Variants in NFIB observed in about 807,000 individuals in gnomAD.
The protein encoded by NFIB is nuclear factor I B.
A neutral mutation model predicts 61.5 loss-of-function variants in NFIB; 11 were observed. The ratio of observed to expected loss-of-function variants is 0.18; its 90% CI spans 0.11 to 0.30. The LOEUF (loss-of-function observed/expected upper bound fraction) is 0.30, where lower values mean the gene tolerates loss of function less well. Among genes scored for constraint, NFIB ranks in the 10% least tolerant of loss-of-function variants. The pLI is 1.00. For missense variants in NFIB, 471 were observed against 608.9 expected (o/e 0.77, Z 2.38); for synonymous variants, 260 against 216.5 (o/e 1.20, Z -1.76).
At chr9:14,455,828 A>G in the NFIB span, among the ~76,000 whole-genome samples, 7 of 152,210 alleles carry the variant, frequency 4.6e-5, no homozygotes, top group Admixed American at 4.6e-4. Flanking sequence ...AAAAAGAGGA[A>G]CATTCTAAAA....
At chr9:14,392,479 G>A (rs1350043441) in intron 1 of NFIB, among the ~76,000 whole-genome samples, 1 of 152,170 alleles carries the variant, frequency 6.6e-6, no homozygotes, top group African/African-American at 2.4e-5. Flanking sequence ...TATAATCCCA[G>A]CACTTTGGGA....
rs2032246919 is a variant in NFIB, at chr9:14,082,983, T to G, written c.*5326A>C. 4.8e-6 allele frequency: 1 copy of G among 206,618 alleles called. No individual in the cohort carries two copies. The highest frequency in any genetic ancestry group is 6.0e-5 in the Admixed American group (1 of 16,760). The allele number at this position is 206,618 out of a possible 1,614,324, so 12.8% of individuals were successfully genotyped here. A position where few individuals can be genotyped will look rare whatever the true frequency, so the allele number is the denominator to read the frequency against. The stretch of plus-strand genomic sequence containing the variant: ...ATGCAATAAGTCATCAAGGGCTTAG[T>G]CTAGTGTACCGGTAAGCTAGTGGCA... On this transcript the variant is annotated 3_prime_UTR_variant, in exon 11 of 11. Coordinates refer to ENST00000380953, the MANE Select transcript of NFIB (RefSeq NM_001190737.2).
intron 3 of NFIB, 74 bp from the exon 4 acceptor site, chr9:14,155,967 A>G (rs963607465): frequency 1.1e-6 from 1 of 882,420 alleles, no homozygotes; most frequent in South Asian, 1.9e-5. Flanking sequence ...ACTAGAATTT[A>G]AGTGTTTTAA....
chr9:14,225,257 A>C lies in NFIB; in HGVS notation c.563-45477T>G, dbSNP rs545968846. Among the ~76,000 whole-genome samples, 3 of 152,242 alleles carry C rather than the reference A, an allele frequency of 2.0e-5. No individual in the cohort carries two copies. In the East Asian group the frequency reaches 5.8e-4, roughly 29 times the overall value. On this transcript the variant is annotated intron_variant, in intron 2 of 10. Coordinates refer to ENST00000380953, the MANE Select transcript of NFIB (RefSeq NM_001190737.2). ...TATCTCAAGAATGCTATAAAAAAAT[A>C]TATAAATCCCATTCTTAAGAAGCCA...
At chr9:14,169,352 T>C (rs1264291745) in intron 3 of NFIB, among the ~76,000 whole-genome samples, 1 of 152,090 alleles carries the variant, frequency 6.6e-6, no homozygotes, top group African/African-American at 2.4e-5. Context: ...TCTAGTGGAA[T>C]CAGGAATTAA....
chr9:14,357,731 A>G (rs1340292627), intron 1 of NFIB: 8 of 152,250 alleles, frequency 5.3e-5, no homozygotes, highest in African/African-American at 1.9e-4. Context: ...AAAAAGGGAA[A>G]GCAATCCACA....
intron 2 of NFIB, among the ~76,000 whole-genome samples, chr9:14,277,752 C>T (rs974688900): frequency 4.6e-5 from 7 of 152,194 alleles, no homozygotes; most frequent in Non-Finnish European, 7.3e-5. Context: ...GGAACTTGAA[C>T]TTTTACTCAT....
chr9:14,503,501 T>A, the NFIB span, among the ~76,000 whole-genome samples: 1 of 152,102 alleles, frequency 6.6e-6, no homozygotes, highest in East Asian at 1.9e-4. Context: ...GAAGTCTATG[T>A]GACATTTGAT....
chr9:14,521,445 G>A, the NFIB span, among the ~76,000 whole-genome samples: 444 of 152,234 alleles, frequency 2.9e-3, 1 homozygote, highest in Non-Finnish European at 5.6e-3. Flanking sequence ...TATCAGCCGA[G>A]TAAGCTTGGA....
chr9:14,211,517 T>G (rs1253575157), intron 2 of NFIB, among the ~76,000 whole-genome samples: 2 of 152,188 alleles, frequency 1.3e-5, no homozygotes, highest in East Asian at 3.9e-4. Flanking sequence ...CTTTGACCAC[T>G]CCCATTGTCT....
chr9:14,338,025 T>G (rs1486075473), intron 1 of NFIB, among the ~76,000 whole-genome samples: 2 of 152,224 alleles, frequency 1.3e-5, no homozygotes, highest in Non-Finnish European at 2.9e-5. Context: ...GATTCTTTTC[T>G]TAATATTTTT....
chr9:14,279,583 A>G (rs2058234881), intron 2 of NFIB, among the ~76,000 whole-genome samples: 1 of 152,170 alleles, frequency 6.6e-6, no homozygotes. Flanking sequence ...TAAAACATAA[A>G]TCTAATTTGA....
rs551588768 is a variant in NFIB at position 14,354,768 on chromosome 9, G to A, written c.108+43756C>T. Reference sequence around the variant, plus strand: ...ATTGCATTTAAATGGTTATCTCTATGTAATGGGTACTCTGTGTGTGTGTGT... The same window carrying A: ...ATTGCATTTAAATGGTTATCTCTATATAATGGGTACTCTGTGTGTGTGTGT... On this transcript the variant is annotated intron_variant, in intron 1 of 8. Coordinates refer to the NFIB transcript ENST00000380934. Among the ~76,000 whole-genome samples, 7 of 148,190 alleles carry A rather than the reference G, an allele frequency of 4.7e-5. No individual in the cohort carries two copies. The South Asian group carries it at 1.3e-3, about 27-fold the overall frequency.
At position 14,275,152 on chromosome 9, in the gene NFIB, C is replaced by T. The variant is rs2057909759; in HGVS notation, c.562+31837G>A. Reference sequence around the variant, plus strand: ...CAGTTGGCAATGGCTGGACCTTGCTCTTGTTACTTCTGAAGGGAGTTGTTT... The same window carrying T: ...CAGTTGGCAATGGCTGGACCTTGCTTTTGTTACTTCTGAAGGGAGTTGTTT... On this transcript the variant is annotated intron_variant, in intron 2 of 10. Coordinates refer to ENST00000380953, the MANE Select transcript of NFIB (RefSeq NM_001190737.2). Among the ~76,000 whole-genome samples, 4 of 152,156 alleles carry T rather than the reference C, an allele frequency of 2.6e-5. No individual in the cohort carries two copies. The South Asian group carries it at 8.3e-4, about 32-fold the overall frequency.
At chr9:14,287,292 G>A (rs1021359155) in intron 2 of NFIB, among the ~76,000 whole-genome samples, 6 of 151,570 alleles carry the variant, frequency 4.0e-5, no homozygotes, top group African/African-American at 7.3e-5. Flanking sequence ...TTAGCTGGGC[G>A]TGGTGGCGGG....
the NFIB span, among the ~76,000 whole-genome samples, chr9:14,424,984 C>T: frequency 6.6e-6 from 1 of 152,118 alleles, no homozygotes; most frequent in African/African-American, 2.4e-5. Flanking sequence ...ATCTCCCCCC[C>T]TGGGCCTTTG....
At chr9:14,487,273 T>C in the NFIB span, among the ~76,000 whole-genome samples, 5 of 152,360 alleles carry the variant, frequency 3.3e-5, no homozygotes, top group Admixed American at 2.6e-4. Context: ...GTAACATTTA[T>C]ATTGCTGCCT....
At chr9:14,418,957 A>G in the NFIB span, among the ~76,000 whole-genome samples, 1 of 152,210 alleles carries the variant, frequency 6.6e-6, no homozygotes, top group African/African-American at 2.4e-5. Context: ...AATAGGGGTT[A>G]GAGTTTCTGA....
intron 1 of NFIB, among the ~76,000 whole-genome samples, chr9:14,325,829 A>G (rs961341025): frequency 5.7e-4 from 87 of 152,248 alleles, no homozygotes; most frequent in African/African-American, 1.8e-3. Context: ...TTGAAAAATA[A>G]TATTTTTAGA....
Sources: gnomAD v4.1 joint callset for allele counts (sites outside exome capture counted in the v4.1 genomes callset) on GRCh38, gnomAD v4.1.1 for gene constraint, MANE v1.5 for transcripts, NCBI Gene and HGNC (gene_info 2026-07-23, HGNC 2026-07-21) for gene names.